Variants in ATE1 observed in about 807,000 individuals in gnomAD.
ATE1 encodes the protein arginyltransferase 1.
A neutral mutation model predicts 70.5 loss-of-function variants in ATE1; 36 were observed. The observed-to-expected ratio is 0.51, with a 90% CI of 0.39 to 0.67. The LOEUF (loss-of-function observed/expected upper bound fraction) is 0.67, where lower values mean the gene tolerates loss of function less well. Among genes scored for constraint, ATE1 ranks in the 30% least tolerant of loss-of-function variants. The pLI is 0.00. For synonymous variants in ATE1, 232 were observed against 219.3 expected (o/e 1.06, Z -0.51); for missense variants, 593 against 629.5 (o/e 0.94, Z 0.62).
In ATE1 at chr10:121,910,921, T is replaced by G. The variant is rs769012179; in HGVS notation, c.568A>C (p.Thr190Pro). 1.1e-5 allele frequency: 18 copies of G among 1,613,450 alleles called. No homozygotes were observed. Among genetic ancestry groups the G allele is most frequent in the African/African-American group, 1.3e-5 (1 of 75,016 alleles). ...TCTTTACTACCTGGCTTAGGAACTGTGTGAACTTTAACTGAATGTGACGGT... is the reference window on the plus strand; with the variant it reads ...TCTTTACTACCTGGCTTAGGAACTGGGTGAACTTTAACTGAATGTGACGGT... ...GEPSHSVKVH[T>P]VPKPGKGADL... The change falls in exon 5 of 12, where the codon ACA (threonine) becomes CCA (proline). Residue 190 changes from threonine (T) to proline (P), a missense_variant. Thr to Pro is a conservative substitution (Grantham distance 38). Coordinates refer to ENST00000224652, the MANE Select transcript of ATE1 (RefSeq NM_001001976.3).
intron 7 of ATE1, among the ~76,000 whole-genome samples, chr10:121,885,792 T>C (rs1950376764): frequency 6.6e-6 from 1 of 151,660 alleles, no homozygotes; most frequent in African/African-American, 2.4e-5. Flanking sequence ...CCTAGCTACT[T>C]GGGAGGCTGA....
At chr10:121,829,375 G>T (rs1052560668) in intron 10 of ATE1, among the ~76,000 whole-genome samples, 1 of 151,736 alleles carries the variant, frequency 6.6e-6, no homozygotes, top group Non-Finnish European at 1.5e-5. Context: ...AGTGAGCAGA[G>T]ATCGTGCCAC....
intron 11 of ATE1, among the ~76,000 whole-genome samples, chr10:121,753,593 T>A (rs781115957): frequency 3.9e-5 from 6 of 152,154 alleles, no homozygotes; most frequent in Non-Finnish European, 8.8e-5. Flanking sequence ...ATCAACTTTA[T>A]CACCTCAGCA....
chr10:121,864,803 G>C (rs1249837437), intron 8 of ATE1, among the ~76,000 whole-genome samples: 1 of 151,844 alleles, frequency 6.6e-6, no homozygotes, highest in East Asian at 1.9e-4. Flanking sequence ...TGTCCCCCTA[G>C]GGACATTTGG....
chr10:121,761,748 T>C (rs1027225656), intron 11 of ATE1, among the ~76,000 whole-genome samples: 4 of 152,168 alleles, frequency 2.6e-5, no homozygotes, highest in Non-Finnish European at 5.9e-5. Flanking sequence ...AATCTAGAAA[T>C]CCATCCTCTT....
intron 10 of ATE1, among the ~76,000 whole-genome samples, chr10:121,796,593 C>A (rs890533701): frequency 6.6e-5 from 10 of 152,098 alleles, no homozygotes; most frequent in African/African-American, 2.4e-4. Flanking sequence ...ATTCAATGGT[C>A]TTTTTCTTTG....
At chr10:121,919,763 C>T (rs948370724) in intron 3 of ATE1, among the ~76,000 whole-genome samples, 2 of 151,846 alleles carry the variant, frequency 1.3e-5, no homozygotes, top group Non-Finnish European at 2.9e-5. Flanking sequence ...CCAGGCCTAG[C>T]GGTGGGCATC....
intron 5 of ATE1, among the ~76,000 whole-genome samples, chr10:121,903,001 G>A (rs975880428): frequency 3.4e-5 from 5 of 146,068 alleles, no homozygotes; most frequent in Admixed American, 6.9e-5. Flanking sequence ...GAGTAGCTGG[G>A]ACTACAGGTG....
intron 6 of ATE1, 90 bp from the exon 7 acceptor site, chr10:121,900,084 A>G: frequency 7.4e-6 from 10 of 1,360,404 alleles, no homozygotes; most frequent in Non-Finnish European, 9.9e-6. Context: ...CATCCAAGAA[A>G]CCAAGTTTCA....
At chr10:121,923,810 G>A (rs1951974842) in intron 2 of ATE1, among the ~76,000 whole-genome samples, 1 of 152,088 alleles carries the variant, frequency 6.6e-6, no homozygotes, top group Non-Finnish European at 1.5e-5. Flanking sequence ...ATAAAAAGTA[G>A]GTAACAGGTA....
intron 8 of ATE1, among the ~76,000 whole-genome samples, chr10:121,863,910 A>G (rs1949568187): frequency 2.0e-5 from 3 of 152,176 alleles, no homozygotes; most frequent in African/African-American, 7.2e-5. Context: ...CAACTTTCCT[A>G]GGATAAGTAT....
chr10:121,895,829 G>A (rs887652929), intron 7 of ATE1, among the ~76,000 whole-genome samples: 1 of 151,790 alleles, frequency 6.6e-6, no homozygotes, highest in Non-Finnish European at 1.5e-5. Context: ...TAAGGCATAA[G>A]AATCACTTGA....
At chr10:121,808,783 C>T (rs557189958) in intron 10 of ATE1, among the ~76,000 whole-genome samples, 71 of 152,256 alleles carry the variant, frequency 4.7e-4, no homozygotes, top group African/African-American at 1.7e-3. Flanking sequence ...ACTTAGCAGC[C>T]TTTTCATGTA....
chr10:121,857,850 T>G (rs1156512138), intron 8 of ATE1, among the ~76,000 whole-genome samples: 1 of 152,120 alleles, frequency 6.6e-6, no homozygotes, highest in African/African-American at 2.4e-5. Context: ...CTCTCCATTC[T>G]CTCCTCTCCG....
At chr10:121,787,984 GA>G (rs998960930) in intron 11 of ATE1, among the ~76,000 whole-genome samples, 1 of 152,132 alleles carries the variant, frequency 6.6e-6, no homozygotes, top group Non-Finnish European at 1.5e-5. Flanking sequence ...TAAGTTGGGG[GA>G]TAAGAAATTT....
chr10:121,780,498 A>T (rs1365766905), intron 11 of ATE1, among the ~76,000 whole-genome samples: 2 of 152,098 alleles, frequency 1.3e-5, no homozygotes, highest in African/African-American at 4.8e-5. Context: ...CTCTGCTCTT[A>T]ACCAATTCCC....
intron 8 of ATE1, among the ~76,000 whole-genome samples, chr10:121,853,731 T>C (rs907492705): frequency 3.9e-5 from 6 of 152,206 alleles, no homozygotes; most frequent in Non-Finnish European, 5.9e-5. Flanking sequence ...TCTTAGTCTA[T>C]CCAGGCTGCT....
At chr10:121,806,619 A>C (rs1947108735) in intron 10 of ATE1, among the ~76,000 whole-genome samples, 1 of 152,220 alleles carries the variant, frequency 6.6e-6, no homozygotes, top group Non-Finnish European at 1.5e-5. Context: ...CTTGAGAATG[A>C]CAATGATGTT....
At chr10:121,874,662 C>G (rs1324948863) in intron 7 of ATE1, among the ~76,000 whole-genome samples, 1 of 152,176 alleles carries the variant, frequency 6.6e-6, no homozygotes, top group Non-Finnish European at 1.5e-5. Flanking sequence ...TGTGCTACCT[C>G]TTCTGATTAC....
Sources: allele counts gnomAD v4.1 joint callset (sites outside exome capture counted in the v4.1 genomes callset), GRCh38; gene constraint gnomAD v4.1.1; transcripts MANE v1.5; gene names NCBI Gene and HGNC (gene_info 2026-07-23, HGNC 2026-07-21).